The following STPG2 variants were observed in gnomAD, a reference collection of about 807,000 sequenced individuals.
STPG2 encodes the protein sperm-tail PG-rich repeat-containing protein 2.
In STPG2, 56 loss-of-function variants were observed where a neutral mutation model predicts 54.2. That is an observed-to-expected ratio of 1.03 (90% CI 0.83 to 1.29). The LOEUF (loss-of-function observed/expected upper bound fraction) is 1.29, where lower values mean the gene tolerates loss of function less well. Among genes scored for constraint, STPG2 ranks in the 50% most tolerant of loss-of-function variants. The pLI is 0.00. For synonymous variants in STPG2, 200 were observed against 181.8 expected (o/e 1.10, Z -0.81); for missense variants, 596 against 544.9 (o/e 1.09, Z -0.93).
At chr4:97,737,296 C>G (rs1463281650) in intron 9 of STPG2, among the ~76,000 whole-genome samples, 1 of 152,160 alleles carries the variant, frequency 6.6e-6, no homozygotes, top group Non-Finnish European at 1.5e-5. Context: ...TTCTAAAAAG[C>G]AGAGTGCCTA....
intron 5 of STPG2, among the ~76,000 whole-genome samples, chr4:98,066,691 A>G (rs1737847711): frequency 2.0e-5 from 3 of 152,316 alleles, no homozygotes; most frequent in South Asian, 4.1e-4. Context: ...AAAGACGGCA[A>G]AAATGACAGT....
At chr4:97,704,643 G>C (rs970800565) in intron 10 of STPG2, among the ~76,000 whole-genome samples, 8 of 152,178 alleles carry the variant, frequency 5.3e-5, no homozygotes, top group African/African-American at 1.9e-4. Context: ...ATTAAGTAAT[G>C]TGCCATGACC....
chr4:98,081,251 G>C (rs920697182), intron 5 of STPG2, among the ~76,000 whole-genome samples: 1 of 152,180 alleles, frequency 6.6e-6, no homozygotes, highest in African/African-American at 2.4e-5. Flanking sequence ...ATTTATCTGT[G>C]AGGTCAGTTT....
chr4:97,894,401 C>A (rs1162973932), intron 8 of STPG2, among the ~76,000 whole-genome samples: 1 of 151,860 alleles, frequency 6.6e-6, no homozygotes, highest in Admixed American at 6.6e-5. Context: ...ATAGGTTATT[C>A]AAACAAAAGC....
chr4:97,888,172 G>A (rs1308860914), intron 8 of STPG2, among the ~76,000 whole-genome samples: 1 of 152,218 alleles, frequency 6.6e-6, no homozygotes, highest in African/African-American at 2.4e-5. Context: ...GGAAAAAGTG[G>A]GGTTGGAGAC....
At chr4:97,966,897 G>T (rs955130987) in intron 7 of STPG2, among the ~76,000 whole-genome samples, 3 of 152,184 alleles carry the variant, frequency 2.0e-5, no homozygotes, top group African/African-American at 7.2e-5. Flanking sequence ...ACCAGACACT[G>T]CAATAACATG....
intron 6 of STPG2, among the ~76,000 whole-genome samples, chr4:97,975,797 G>A (rs1474883534): frequency 1.3e-5 from 2 of 152,108 alleles, no homozygotes; most frequent in African/African-American, 2.4e-5. Flanking sequence ...GAATCGATTA[G>A]ATCAGTGTTT....
chr4:97,677,379 T>C (rs896556062), intron 10 of STPG2, among the ~76,000 whole-genome samples: 2 of 152,176 alleles, frequency 1.3e-5, no homozygotes, highest in African/African-American at 4.8e-5. Context: ...AAATGATGAC[T>C]GGGTTGTAAT....
intron 10 of STPG2, among the ~76,000 whole-genome samples, chr4:97,562,556 C>G (rs78971200): frequency 0.015 from 2,296 of 152,224 alleles, 56 homozygotes; most frequent in African/African-American, 0.051. Flanking sequence ...TTTGCCCATT[C>G]AGTATGATAT....
chr4:97,988,666 G>C (rs1204064350), intron 5 of STPG2, among the ~76,000 whole-genome samples: 1 of 152,160 alleles, frequency 6.6e-6, no homozygotes, highest in Non-Finnish European at 1.5e-5. Flanking sequence ...GAGTGCAGTG[G>C]CCCAATCTCA....
chr4:97,632,339 A>G (rs1311459429), intron 10 of STPG2, among the ~76,000 whole-genome samples: 1 of 151,150 alleles, frequency 6.6e-6, no homozygotes, highest in African/African-American at 2.4e-5. Flanking sequence ...AGTAAAATAG[A>G]TCACAGCTAT....
intron 10 of STPG2, among the ~76,000 whole-genome samples, chr4:97,640,153 A>C (rs1721717460): frequency 6.6e-6 from 1 of 152,056 alleles, no homozygotes; most frequent in African/African-American, 2.4e-5. Context: ...ATGTGCCCAG[A>C]AAGTTTATTG....
At chr4:97,880,495 G>A (rs1311127463) in intron 8 of STPG2, among the ~76,000 whole-genome samples, 1 of 152,030 alleles carries the variant, frequency 6.6e-6, no homozygotes, top group Non-Finnish European at 1.5e-5. Context: ...CTTGAGAAGG[G>A]TATCAGAATT....
chr4:98,006,082 G>A (rs1338482843), intron 5 of STPG2, among the ~76,000 whole-genome samples: 1 of 152,140 alleles, frequency 6.6e-6, no homozygotes, highest in Non-Finnish European at 1.5e-5. Context: ...AGATTAGAAG[G>A]TTCTCCAGCA....
At position 97,962,740 on chromosome 4, in the gene STPG2, C is replaced by T. The variant is rs1026732284; in HGVS notation, c.933+9540G>A. ...ATTATGATCTTCATTTTACTAAGTACAAAGAGTTTAAATAACTTGCACGAG... is the reference window on the plus strand; with the variant it reads ...ATTATGATCTTCATTTTACTAAGTATAAAGAGTTTAAATAACTTGCACGAG... On this transcript the variant is annotated intron_variant, in intron 7 of 10. Coordinates refer to ENST00000295268, the MANE Select transcript of STPG2 (RefSeq NM_174952.3). Among the ~76,000 whole-genome samples, 4 of 152,100 alleles carry T rather than the reference C, an allele frequency of 2.6e-5. No homozygotes were observed. In the South Asian group the frequency reaches 6.2e-4, roughly 24 times the overall value.
At chr4:97,791,580 C>T (rs924013360) in intron 9 of STPG2, among the ~76,000 whole-genome samples, 1 of 152,042 alleles carries the variant, frequency 6.6e-6, no homozygotes, top group African/African-American at 2.4e-5. Context: ...GTTTTCCTTA[C>T]AAATTTTTTA....
In STPG2 at chr4:97,745,185, C is replaced by T. The variant is rs141305615; in HGVS notation, c.1205-32371G>A. Among the ~76,000 whole-genome samples, 60 of 149,832 alleles carry T rather than the reference C, an allele frequency of 4.0e-4. 2 individuals carry two copies. Among genetic ancestry groups the T allele is most frequent in the Admixed American group, 1.9e-3 (29 of 14,964 alleles). On this transcript the variant is annotated intron_variant, in intron 9 of 10. Transcript: ENST00000295268. ...TTCAAAACGTGAGTCTAAGCTAGAA[C>T]TACTTTCAGTCAAATTTAAGTCATT...
chr4:97,937,100 T>C (rs1732771205), intron 8 of STPG2, among the ~76,000 whole-genome samples: 1 of 152,070 alleles, frequency 6.6e-6, no homozygotes, highest in African/African-American at 2.4e-5. Flanking sequence ...TCTCTAAACT[T>C]GTCTGCCTGC....
chr4:97,467,261 T>G (rs564774256), intron 4 of STPG2, among the ~76,000 whole-genome samples: 4 of 152,076 alleles, frequency 2.6e-5, no homozygotes, highest in South Asian at 2.1e-4. Context: ...GGTTTATCAT[T>G]TGATAAATTA....
Sources: allele counts gnomAD v4.1 joint callset (sites outside exome capture counted in the v4.1 genomes callset), GRCh38; gene constraint gnomAD v4.1.1; transcripts MANE v1.5; gene names NCBI Gene and HGNC (gene_info 2026-07-23, HGNC 2026-07-21).